SENP7: variants seen among roughly 807,000 people sequenced by gnomAD.
SENP7 encodes the protein sentrin-specific protease 7.
In SENP7, 64 loss-of-function variants were observed where a neutral mutation model predicts 141.2. The observed-to-expected ratio is 0.45, with a 90% CI of 0.37 to 0.56. The LOEUF (loss-of-function observed/expected upper bound fraction) is 0.56, where lower values mean the gene tolerates loss of function less well. Among genes scored for constraint, SENP7 ranks in the 20% least tolerant of loss-of-function variants. SENP7 has a pLI of 0.00. For synonymous variants in SENP7, 382 were observed against 426.4 expected, an observed-to-expected ratio of 0.90 and a Z score of 1.28; for missense variants, 1,025 against 1,212.2, an observed-to-expected ratio of 0.85 and a Z score of 2.29.
In SENP7 at chr3:101,347,862, T is replaced by C; in HGVS notation, c.1837+10A>G. ...GTTATCCTGAAATTTAGAAATCATT[T>C]TATACTCACATTGCTGGCTTAATAC... On this transcript the variant is annotated intron_variant, in intron 13 of 23. Coordinates refer to ENST00000394095, the MANE Select transcript of SENP7 (RefSeq NM_020654.5). 4 of 1,355,418 alleles carry C rather than the reference T, an allele frequency of 3.0e-6. No homozygotes were observed. Among genetic ancestry groups the C allele is most frequent in the Non-Finnish European group, 2.9e-6 (3 of 1,020,716 alleles). 84.0% of individuals were successfully genotyped at this position (1,355,418 alleles called of 1,614,324 possible).
intron 4 of SENP7, among the ~76,000 whole-genome samples, chr3:101,434,295 A>G (rs1371840684): frequency 6.6e-6 from 1 of 152,088 alleles, no homozygotes; most frequent in East Asian, 1.9e-4. Context: ...TATTCAGAGG[A>G]AAGTTTATAG....
intron 6 of SENP7, among the ~76,000 whole-genome samples, chr3:101,374,604 C>CACAG (rs1360728798): frequency 2.0e-5 from 3 of 151,454 alleles, no homozygotes; most frequent in Non-Finnish European, 4.4e-5. Context: ...CCCACCCACA[C>CACAG]ACACACACAC....
chr3:101,354,812 A>C (rs534735451), intron 11 of SENP7, among the ~76,000 whole-genome samples: 2 of 152,290 alleles, frequency 1.3e-5, no homozygotes, highest in African/African-American at 4.8e-5. Context: ...AGGGATCGCC[A>C]CATTACTTTC....
chr3:101,401,181 T>C (rs900148102), intron 5 of SENP7, among the ~76,000 whole-genome samples: 1 of 151,966 alleles, frequency 6.6e-6, no homozygotes, highest in Non-Finnish European at 1.5e-5. Flanking sequence ...GCAAGACTGC[T>C]TGCTGCAGAG....
At chr3:101,510,542 A>G (rs1052888603) in intron 1 of SENP7, among the ~76,000 whole-genome samples, 2 of 152,094 alleles carry the variant, frequency 1.3e-5, no homozygotes, top group African/African-American at 4.8e-5. Flanking sequence ...ATACTTAGGA[A>G]ACTTTGATGA....
intron 6 of SENP7, among the ~76,000 whole-genome samples, chr3:101,378,963 A>T (rs540499311): frequency 7.2e-4 from 109 of 152,314 alleles, no homozygotes; most frequent in African/African-American, 2.3e-3. Context: ...TGCAGGATTA[A>T]TACTCTCTGA....
chr3:101,383,682 C>A (rs1421632687), intron 6 of SENP7, among the ~76,000 whole-genome samples: 1 of 152,208 alleles, frequency 6.6e-6, no homozygotes, highest in African/African-American at 2.4e-5. Flanking sequence ...CAGCCCCCTG[C>A]CACCTCAGCC....
At chr3:101,337,670 G>C in intron 16 of SENP7, 39 bp from the exon 17 acceptor site, 2 of 1,464,562 alleles carry the variant, frequency 1.4e-6, no homozygotes, top group Non-Finnish European at 1.8e-6. Flanking sequence ...ATTATTTTTA[G>C]ATTTTACTTG....
intron 6 of SENP7, among the ~76,000 whole-genome samples, chr3:101,390,701 G>A (rs2060794511): frequency 6.6e-6 from 1 of 152,148 alleles, no homozygotes; most frequent in African/African-American, 2.4e-5. Context: ...CATCAAGACA[G>A]AAATTGAACA....
intron 1 of SENP7, among the ~76,000 whole-genome samples, chr3:101,506,411 C>T (rs1289759536): frequency 1.3e-5 from 2 of 152,120 alleles, no homozygotes; most frequent in African/African-American, 4.8e-5. Context: ...ATCATGAAAT[C>T]AATAATGTAT....
chr3:101,508,761 A>T (rs2065731767), intron 1 of SENP7, among the ~76,000 whole-genome samples: 1 of 152,112 alleles, frequency 6.6e-6, no homozygotes, highest in South Asian at 2.1e-4. Flanking sequence ...AAGTAAAATT[A>T]AACTCATTTT....
intron 3 of SENP7, among the ~76,000 whole-genome samples, chr3:101,465,254 C>G (rs1285971775): frequency 6.6e-6 from 1 of 152,124 alleles, no homozygotes; most frequent in Non-Finnish European, 1.5e-5. Flanking sequence ...GCCACTGGCT[C>G]AGACACATGC....
At chr3:101,446,143 G>C (rs1014800920) in intron 4 of SENP7, among the ~76,000 whole-genome samples, 1 of 152,068 alleles carries the variant, frequency 6.6e-6, no homozygotes, top group African/African-American at 2.4e-5. Flanking sequence ...CTCTCCCTTC[G>C]TTCTCTCTTT....
At chr3:101,461,673 A>G (rs2063552129) in intron 3 of SENP7, among the ~76,000 whole-genome samples, 1 of 152,192 alleles carries the variant, frequency 6.6e-6, no homozygotes, top group African/African-American at 2.4e-5. Context: ...CACCCTAAGT[A>G]TAAAACAAAA....
At chr3:101,418,220 C>T (rs1166814479) in intron 4 of SENP7, among the ~76,000 whole-genome samples, 1 of 152,026 alleles carries the variant, frequency 6.6e-6, no homozygotes, top group East Asian at 1.9e-4. Context: ...GCATCACTTA[C>T]ATTCTTAAGG....
chr3:101,448,535 C>T (rs1234475807), intron 4 of SENP7, among the ~76,000 whole-genome samples: 1 of 151,844 alleles, frequency 6.6e-6, no homozygotes, highest in Non-Finnish European at 1.5e-5. Context: ...TGGTGAACAG[C>T]AGATGTTGCT....
At chr3:101,351,204 A>G (rs1296606835) in intron 12 of SENP7, among the ~76,000 whole-genome samples, 3 of 152,018 alleles carry the variant, frequency 2.0e-5, no homozygotes, top group Non-Finnish European at 4.4e-5. Context: ...AGTTACAGGT[A>G]CATTTTCCAG....
At chr3:101,403,894 T>C (rs2061225682) in intron 5 of SENP7, among the ~76,000 whole-genome samples, 2 of 152,102 alleles carry the variant, frequency 1.3e-5, no homozygotes, top group Non-Finnish European at 2.9e-5. Flanking sequence ...TAAGGAGAAC[T>C]ATAAAACATT....
intron 6 of SENP7, among the ~76,000 whole-genome samples, chr3:101,397,506 C>T (rs2061004101): frequency 6.6e-6 from 1 of 152,106 alleles, no homozygotes; most frequent in East Asian, 1.9e-4. Flanking sequence ...CTGAATAATG[C>T]CACTGAAATT....
Sources: gnomAD v4.1 joint callset for allele counts (sites outside exome capture counted in the v4.1 genomes callset) on GRCh38, gnomAD v4.1.1 for gene constraint, MANE v1.5 for transcripts, NCBI Gene and HGNC (gene_info 2026-07-23, HGNC 2026-07-21) for gene names.